UNC5C: variants seen among roughly 807,000 people sequenced by gnomAD.
UNC5C encodes unc-5 netrin receptor C.
UNC5C carries 47 observed loss-of-function variants against 99.8 expected under a neutral mutation model. That is an observed-to-expected ratio of 0.47 (90% confidence interval 0.37 to 0.60). UNC5C has a LOEUF of 0.60. Among genes scored for constraint, UNC5C ranks in the 20% least tolerant of loss-of-function variants. The pLI, the probability that UNC5C is intolerant of heterozygous loss-of-function variation, is 0.00. For synonymous variants in UNC5C, 487 were observed against 452.2 expected (o/e 1.08, Z -0.98); for missense variants, 1,062 against 1,165.9 (o/e 0.91, Z 1.30).
intron 1 of UNC5C, among the ~76,000 whole-genome samples, chr4:95,377,175 G>C: frequency 6.6e-6 from 1 of 152,174 alleles, no homozygotes; most frequent in Non-Finnish European, 1.5e-5. Flanking sequence ...TATTGGTGGG[G>C]GTTGTATTTA....
intron 1 of UNC5C, among the ~76,000 whole-genome samples, chr4:95,472,094 AC>A (rs1747987481): frequency 6.6e-6 from 1 of 152,180 alleles, no homozygotes; most frequent in African/African-American, 2.4e-5. Context: ...GTGTTAAAAT[AC>A]CCAGTGAAGA....
intron 12 of UNC5C, among the ~76,000 whole-genome samples, chr4:95,193,550 A>G (rs189147799): frequency 4.3e-4 from 65 of 152,280 alleles, no homozygotes; most frequent in African/African-American, 1.4e-3. Flanking sequence ...AAAAAATCAC[A>G]TCTGCCATCA....
At chr4:95,356,366 G>A (rs72659904) in intron 1 of UNC5C, among the ~76,000 whole-genome samples, 33,093 of 151,816 alleles carry the variant, frequency 0.22, 4,203 homozygotes, top group African/African-American at 0.34. Flanking sequence ...ATCTCCCTAT[G>A]TAGAAATTCC....
At position 95,163,695 on chromosome 4, in the gene UNC5C, A is replaced by G. The variant is rs1280945591; in HGVS notation, c.*5539T>C. Reference sequence around the variant, plus strand: ...ATGGTATGTTAAAAGGCTGGCATTCAGTAGCAAATACTATGGCAGGTGGGC... The same window carrying G: ...ATGGTATGTTAAAAGGCTGGCATTCGGTAGCAAATACTATGGCAGGTGGGC... On this transcript the variant is annotated 3_prime_UTR_variant, in exon 16 of 16. Transcript: ENST00000453304. The G allele has an allele frequency of 1.3e-5, 2 of 152,234 alleles. No homozygotes were observed. The highest frequency in any genetic ancestry group is 1.9e-4 in the East Asian group (1 of 5,196). The allele number at this position is 152,234 out of a possible 1,614,324, so 9.4% of individuals were successfully genotyped here. A position where few individuals can be genotyped will look rare whatever the true frequency, so the allele number is the denominator to read the frequency against.
chr4:95,247,843 C>G (rs1739557967), intron 5 of UNC5C: 1 of 152,240 alleles, frequency 6.6e-6, no homozygotes, highest in Admixed American at 6.5e-5. Context: ...TATAGTCTGC[C>G]TTCATTAGTT....
intron 1 of UNC5C, among the ~76,000 whole-genome samples, chr4:95,428,193 T>C (rs1342191336): frequency 1.3e-5 from 2 of 152,174 alleles, no homozygotes; most frequent in African/African-American, 4.8e-5. Flanking sequence ...TCAGTGTCCA[T>C]GCATCCTAGG....
At chr4:95,520,867 G>GAA (rs1722336690) in intron 1 of UNC5C, among the ~76,000 whole-genome samples, 1 of 151,982 alleles carries the variant, frequency 6.6e-6, no homozygotes, top group African/African-American at 2.4e-5. Context: ...CCAAAGTGCT[G>GAA]GGATTACAAG....
chr4:95,245,072 C>T lies in UNC5C; in HGVS notation c.848G>A (p.Arg283His), dbSNP rs201199826. The T allele has an allele frequency of 2.1e-5, 34 of 1,614,008 alleles. No individual in the cohort carries two copies. The highest frequency in any genetic ancestry group is 3.3e-5 in the Admixed American group (2 of 59,992). ...TGCCGGGTTGGTACAAGTCCTTGTA[C>T]GTTTCTGATACCCTCGTCCACAGCG... ...NSRCGRGYQK[R>H]TRTCTNPAPL... The change falls in exon 6 of 16, where the codon CGT (arginine) becomes CAT (histidine). Residue 283 changes from arginine (R) to histidine (H), a missense_variant. Coordinates refer to ENST00000453304, the MANE Select transcript of UNC5C (RefSeq NM_003728.4).
intron 3 of UNC5C, among the ~76,000 whole-genome samples, chr4:95,298,637 T>C (rs1741759725): frequency 6.6e-6 from 1 of 152,120 alleles, no homozygotes; most frequent in African/African-American, 2.4e-5. Context: ...AATTCCCTTT[T>C]CCTGCTGTAT....
intron 2 of UNC5C, among the ~76,000 whole-genome samples, chr4:95,332,880 A>G (rs545703488): frequency 6.6e-6 from 1 of 152,242 alleles, no homozygotes; most frequent in South Asian, 2.1e-4. Flanking sequence ...ACAAGAAAAA[A>G]ACAAACAACC....
chr4:95,375,813 C>T (rs1171069249), intron 1 of UNC5C, among the ~76,000 whole-genome samples: 5 of 152,158 alleles, frequency 3.3e-5, no homozygotes, highest in East Asian at 1.9e-4. Flanking sequence ...CGTGGTGGCT[C>T]ACGCCTGTAA....
At chr4:95,239,580 G>A (rs1023559424) in intron 7 of UNC5C, among the ~76,000 whole-genome samples, 1 of 152,054 alleles carries the variant, frequency 6.6e-6, no homozygotes. Flanking sequence ...CACTCACACC[G>A]TTACCTCTCT....
At chr4:95,395,987 C>G (rs1409863424) in intron 1 of UNC5C, among the ~76,000 whole-genome samples, 1 of 152,200 alleles carries the variant, frequency 6.6e-6, no homozygotes, top group Non-Finnish European at 1.5e-5. Flanking sequence ...CTGGCTTCAT[C>G]ATAAGGAAAC....
chr4:95,449,886 G>A (rs945996714), intron 1 of UNC5C, among the ~76,000 whole-genome samples: 2 of 152,182 alleles, frequency 1.3e-5, no homozygotes, highest in African/African-American at 2.4e-5. Flanking sequence ...AAATATTGGA[G>A]CATTTGTCAA....
At position 95,164,892 on chromosome 4, in the gene UNC5C, C is replaced by G. The variant is rs950794545; in HGVS notation, c.*4342G>C. On this transcript the variant is annotated 3_prime_UTR_variant, in exon 16 of 16. Coordinates refer to ENST00000453304, the MANE Select transcript of UNC5C (RefSeq NM_003728.4). ...GTAAACCTTTTCTACCTTCTTTATG[C>G]TCTCTTGCAAGTCCTTATATAGGTT... 2 of 152,274 alleles carry G rather than the reference C, an allele frequency of 1.3e-5. No homozygotes were observed. Among genetic ancestry groups the G allele is most frequent in the Non-Finnish European group, 2.9e-5 (2 of 68,066 alleles). 9.4% of individuals were successfully genotyped at this position (152,274 alleles called of 1,614,324 possible). A position where few individuals can be genotyped will look rare whatever the true frequency, so the allele number is the denominator to read the frequency against.
chr4:95,416,250 GA>G (rs1746162360), intron 1 of UNC5C, among the ~76,000 whole-genome samples: 1 of 152,174 alleles, frequency 6.6e-6, no homozygotes, highest in African/African-American at 2.4e-5. Context: ...TAAGAGTTTG[GA>G]AAGAATACAG....
chr4:95,477,188 G>A (rs1378128969), intron 1 of UNC5C, among the ~76,000 whole-genome samples: 1 of 151,928 alleles, frequency 6.6e-6, no homozygotes, highest in African/African-American at 2.4e-5. Flanking sequence ...ACATATATTA[G>A]GTTCCCTCTT....
intron 1 of UNC5C, among the ~76,000 whole-genome samples, chr4:95,397,864 C>A (rs1745564017): frequency 6.6e-6 from 1 of 152,074 alleles, no homozygotes; most frequent in South Asian, 2.1e-4. Flanking sequence ...AACATCAAGA[C>A]AACTATCAAA....
intron 11 of UNC5C, among the ~76,000 whole-genome samples, chr4:95,205,622 T>C (rs1419544704): frequency 6.6e-6 from 1 of 152,162 alleles, no homozygotes; most frequent in Non-Finnish European, 1.5e-5. Context: ...TAATATATAC[T>C]TTGCATATTA....
Sources: allele counts gnomAD v4.1 joint callset (sites outside exome capture counted in the v4.1 genomes callset), GRCh38; gene constraint gnomAD v4.1.1; transcripts MANE v1.5; gene names NCBI Gene and HGNC (gene_info 2026-07-23, HGNC 2026-07-21).